The following ENTPD3 variants were observed in gnomAD, a reference collection of about 807,000 sequenced individuals.
ENTPD3 encodes CD39 antigen-like 3.
A neutral mutation model predicts 51.2 loss-of-function variants in ENTPD3; 60 were observed. The ratio of observed to expected loss-of-function variants is 1.17; its 90% CI spans 0.95 to 1.45. The LOEUF (loss-of-function observed/expected upper bound fraction) is 1.45, where lower values mean the gene tolerates loss of function less well. Ranked by LOEUF, ENTPD3 falls within the 40% of genes most tolerant of loss-of-function variation. The pLI is 0.00. For synonymous variants in ENTPD3, 221 were observed against 238.4 expected, an observed-to-expected ratio of 0.93 and a Z score of 0.67; for missense variants, 593 against 641.1, an observed-to-expected ratio of 0.93 and a Z score of 0.81.
chr3:40,398,842 T>A (rs933677150), intron 3 of ENTPD3, among the ~76,000 whole-genome samples: 3 of 152,194 alleles, frequency 2.0e-5, no homozygotes, highest in African/African-American at 7.2e-5. Context: ...TACCTAAAAG[T>A]GAATACAATG....
Position 40,422,924 on chromosome 3 carries a change from T to C in ENTPD3, c.906T>C (p.His302=). The change falls in exon 8 of 11, where the codon CAT becomes CAC. Residue 302 remains histidine (H), a synonymous_variant. Transcript: ENST00000301825. ...ATAGCATCAGCTTCACCATGGGCCATGTATTTGATAGCCTGTGCACTGTGG... is the reference window on the plus strand; with the variant it reads ...ATAGCATCAGCTTCACCATGGGCCACGTATTTGATAGCCTGTGCACTGTGG... ...RDYSISFTMG[H]VFDSLCTVDQ... 2 of 1,614,008 alleles carry C rather than the reference T, an allele frequency of 1.2e-6. No homozygotes were observed. Among genetic ancestry groups the C allele is most frequent in the Non-Finnish European group, 1.7e-6 (2 of 1,179,936 alleles).
chr3:40,420,772 T>C (rs1314552843), intron 7 of ENTPD3, among the ~76,000 whole-genome samples: 1 of 152,096 alleles, frequency 6.6e-6, no homozygotes, highest in Non-Finnish European at 1.5e-5. Context: ...GTCACTGACC[T>C]TTGTTAAATA....
intron 2 of ENTPD3, chr3:40,391,780 C>T: frequency 1.8e-6 from 1 of 546,462 alleles, no homozygotes; most frequent in Non-Finnish European, 3.2e-6. Flanking sequence ...TGCATACCCT[C>T]CCTGCAACAC....
At chr3:40,410,901 G>T (rs776021016) in intron 4 of ENTPD3, among the ~76,000 whole-genome samples, 1 of 152,176 alleles carries the variant, frequency 6.6e-6, no homozygotes, top group Non-Finnish European at 1.5e-5. Flanking sequence ...GAGGGATGAA[G>T]AGGAGGAGTA....
chr3:40,424,093 A>C (rs1473803944), intron 10 of ENTPD3, 130 bp downstream of exon 10: 1 of 1,502,886 alleles, frequency 6.7e-7, no homozygotes, highest in Non-Finnish European at 8.9e-7. Context: ...GATCAGACTG[A>C]TCCCTTGTGA....
chr3:40,417,036 T>C (rs1955763523), intron 7 of ENTPD3, among the ~76,000 whole-genome samples: 1 of 152,124 alleles, frequency 6.6e-6, no homozygotes, highest in Non-Finnish European at 1.5e-5. Flanking sequence ...TACCCAGTGT[T>C]CATGCAGGGT....
At chr3:40,419,857 T>C (rs1955824765) in intron 7 of ENTPD3, among the ~76,000 whole-genome samples, 1 of 152,234 alleles carries the variant, frequency 6.6e-6, no homozygotes, top group African/African-American at 2.4e-5. Context: ...AGTGGACTTT[T>C]CTCCCTCGAG....
At chr3:40,394,027 C>A (rs1299159700) in intron 3 of ENTPD3, among the ~76,000 whole-genome samples, 1 of 100,420 alleles carries the variant, frequency 1.0e-5, no homozygotes, top group Non-Finnish European at 1.8e-5. Context: ...CCAGCCTGGG[C>A]AACAGAGCGA....
At chr3:40,402,324 G>A (rs1370982043) in intron 4 of ENTPD3, among the ~76,000 whole-genome samples, 1 of 151,686 alleles carries the variant, frequency 6.6e-6, no homozygotes, top group African/African-American at 2.4e-5. Flanking sequence ...TCACCATGTT[G>A]GCCAGGCTGG....
chr3:40,395,385 C>A (rs917642106), intron 3 of ENTPD3, among the ~76,000 whole-genome samples: 1 of 152,124 alleles, frequency 6.6e-6, no homozygotes, highest in Non-Finnish European at 1.5e-5. Flanking sequence ...AGGAGAAAAC[C>A]ACACATGTTG....
chr3:40,392,041 G>T lies in ENTPD3; in HGVS notation c.59G>T (p.Arg20Leu). The change falls in exon 3 of 11, where the codon CGA (arginine) becomes CTA (leucine). Residue 20 changes from arginine to leucine, a missense_variant. By Grantham distance (102) the Arg-to-Leu change is moderately radical. Coordinates refer to ENST00000301825, the MANE Select transcript of ENTPD3 (RefSeq NM_001248.4). ...CEQAGLKALY[R>L]TPTIIALVVL... Reference sequence around the variant, plus strand: ...ATTTTAGGCCTCAAGGCCCTCTACCGAACTCCAACCATCATTGCCTTGGTG... The same window carrying T: ...ATTTTAGGCCTCAAGGCCCTCTACCTAACTCCAACCATCATTGCCTTGGTG... The T allele has an allele frequency of 6.2e-7, 1 of 1,614,118 alleles. No homozygotes were observed. Among genetic ancestry groups the T allele is most frequent in the Non-Finnish European group, 8.5e-7 (1 of 1,180,022 alleles).
At chr3:40,409,397 C>T (rs17078941) in intron 4 of ENTPD3, among the ~76,000 whole-genome samples, 39,439 of 152,036 alleles carry the variant, frequency 0.26, 5,979 homozygotes, top group East Asian at 0.48. Context: ...GCTTATGGTG[C>T]TGTCATTTGT....
chr3:40,387,880 A>G (rs1954973541), intron 1 of ENTPD3, 166 bp from the exon 2 acceptor site: 6 of 574,310 alleles, frequency 1.0e-5, no homozygotes. Context: ...TTTAAGCTCC[A>G]GCTTTGGGGC....
intron 4 of ENTPD3, among the ~76,000 whole-genome samples, chr3:40,404,418 C>T (rs1157364131): frequency 2.0e-5 from 3 of 152,186 alleles, no homozygotes; most frequent in Non-Finnish European, 4.4e-5. Flanking sequence ...CCCACAGTTA[C>T]AAGATCTCTG....
At chr3:40,409,458 G>A (rs1271081824) in intron 4 of ENTPD3, among the ~76,000 whole-genome samples, 1 of 152,148 alleles carries the variant, frequency 6.6e-6, no homozygotes, top group Non-Finnish European at 1.5e-5. Context: ...TAGAGGCTCT[G>A]TCCTTGGCCA....
chr3:40,387,979 C>T, intron 1 of ENTPD3, 67 bp from the exon 2 acceptor site: 1 of 1,338,398 alleles, frequency 7.5e-7, no homozygotes, highest in Non-Finnish European at 1.1e-6. Context: ...TTAACCTGGG[C>T]TCGTTCTTTA....
At chr3:40,424,858 C>A in intron 10 of ENTPD3, 1 of 693,154 alleles carries the variant, frequency 1.4e-6, no homozygotes, top group Non-Finnish European at 2.6e-6. Flanking sequence ...CAATATCCTG[C>A]ATTAGGCCTC....
chr3:40,422,444 T>G (rs190036657), intron 7 of ENTPD3, among the ~76,000 whole-genome samples: 2 of 151,206 alleles, frequency 1.3e-5, no homozygotes, highest in Non-Finnish European at 2.9e-5. Context: ...ACCATGCTGG[T>G]GTGCTGCACC....
At chr3:40,414,089 G>A (rs1955691307) in intron 5 of ENTPD3, among the ~76,000 whole-genome samples, 1 of 152,268 alleles carries the variant, frequency 6.6e-6, no homozygotes, top group South Asian at 2.1e-4. Context: ...TGTCACCAGG[G>A]ATAGAATGCT....
Sources: allele counts gnomAD v4.1 joint callset (sites outside exome capture counted in the v4.1 genomes callset), GRCh38; gene constraint gnomAD v4.1.1; transcripts MANE v1.5; gene names NCBI Gene and HGNC (gene_info 2026-07-23, HGNC 2026-07-21).